Variants in ARMH4 observed in about 807,000 individuals in gnomAD.
ARMH4 encodes the protein armadillo-like helical domain-containing protein 4.
ARMH4 carries 49 observed loss-of-function variants against 61.9 expected under a neutral mutation model. The ratio of observed to expected loss-of-function variants is 0.79; its 90% CI spans 0.63 to 1.00. ARMH4 has a LOEUF of 1.00. Among genes scored for constraint, ARMH4 ranks in the 50% least tolerant of loss-of-function variants. ARMH4 has a pLI of 0.00. For missense variants in ARMH4, 934 were observed against 930.0 expected (o/e 1.00, Z -0.06); for synonymous variants, 368 against 341.5 (o/e 1.08, Z -0.85).
chr14:58,144,940 G>A (rs922679085), intron 1 of ARMH4, among the ~76,000 whole-genome samples: 7 of 151,894 alleles, frequency 4.6e-5, no homozygotes, highest in South Asian at 2.1e-4. Context: ...TTACACCTTC[G>A]GATTTCTGTT....
chr14:58,023,192 G>A (rs994190092), intron 5 of ARMH4, among the ~76,000 whole-genome samples: 4 of 152,146 alleles, frequency 2.6e-5, no homozygotes, highest in African/African-American at 9.7e-5. Context: ...ATTTTATGAA[G>A]GATTTCTCTA....
Position 58,026,462 on chromosome 14 carries a change from A to G in ARMH4, c.2090-14312T>C, listed in dbSNP as rs142291331. Among the ~76,000 whole-genome samples the G allele has an allele frequency of 2.0e-3, 308 of 152,268 alleles. 1 individual carries two copies. Among genetic ancestry groups the G allele is most frequent in the African/African-American group, 7.1e-3 (295 of 41,548 alleles). On this transcript the variant is annotated intron_variant, in intron 5 of 7. Transcript: ENST00000267485. ...CATGCTCAGGGAAACTGAAATTCTC[A>G]TTCTCATGAGATCTCTTCTCACATT... is the stretch of plus-strand genomic sequence containing the variant.
intron 5 of ARMH4, among the ~76,000 whole-genome samples, chr14:58,053,938 T>A (rs545728004): frequency 1.9e-4 from 29 of 152,362 alleles, no homozygotes; most frequent in African/African-American, 7.0e-4. Flanking sequence ...TATCACATGC[T>A]GGATTTTAAG....
chr14:58,147,316 G>GTTTT (rs33969627), intron 1 of ARMH4, among the ~76,000 whole-genome samples: 1 of 132,526 alleles, frequency 7.5e-6, no homozygotes, highest in Non-Finnish European at 1.6e-5. Context: ...AATCCAGATG[G>GTTTT]TTTTTTTTTT....
At chr14:58,016,061 A>T (rs569545076) in intron 5 of ARMH4, among the ~76,000 whole-genome samples, 2 of 152,164 alleles carry the variant, frequency 1.3e-5, no homozygotes, top group Non-Finnish European at 2.9e-5. Flanking sequence ...TGCAATCCAT[A>T]TCAAAAGCTT....
intron 4 of ARMH4, among the ~76,000 whole-genome samples, chr14:58,110,150 G>A (rs1481615614): frequency 6.6e-6 from 1 of 152,118 alleles, no homozygotes; most frequent in Non-Finnish European, 1.5e-5. Context: ...ATAGCTTAAG[G>A]TGGAAGTTAC....
chr14:58,050,723 G>T (rs1000745077), intron 5 of ARMH4, among the ~76,000 whole-genome samples: 2 of 151,688 alleles, frequency 1.3e-5, no homozygotes, highest in African/African-American at 4.9e-5. Context: ...TCTTTAGTGT[G>T]CAGGTCAACA....
chr14:58,151,789 G>T (rs941278917), intron 1 of ARMH4, among the ~76,000 whole-genome samples: 1 of 152,264 alleles, frequency 6.6e-6, no homozygotes, highest in African/African-American at 2.4e-5. Flanking sequence ...CGGCTCGCTG[G>T]TGCGGAGCTG....
intron 4 of ARMH4, among the ~76,000 whole-genome samples, chr14:58,126,854 A>G (rs1307175972): frequency 4.0e-5 from 6 of 150,060 alleles, no homozygotes; most frequent in South Asian, 2.1e-4. Flanking sequence ...CCAGGCTGGA[A>G]TGCAGTGGTG....
At chr14:58,043,060 T>G (rs1428628512) in intron 5 of ARMH4, among the ~76,000 whole-genome samples, 1 of 152,168 alleles carries the variant, frequency 6.6e-6, no homozygotes, top group African/African-American at 2.4e-5. Context: ...TCTGAAACTA[T>G]TCCAATCAAT....
At chr14:58,094,555 G>A (rs1885684925) in intron 5 of ARMH4, among the ~76,000 whole-genome samples, 1 of 152,190 alleles carries the variant, frequency 6.6e-6, no homozygotes, top group African/African-American at 2.4e-5. Context: ...ATATATGTGT[G>A]TGGATGTGTA....
In ARMH4 at chr14:58,005,147, C is replaced by T; in HGVS notation, c.2157G>A (p.Gly719=). 6.2e-7 allele frequency: 1 copy of T among 1,613,970 alleles called. No homozygotes were observed. The highest frequency in any genetic ancestry group is 8.5e-7 in the Non-Finnish European group (1 of 1,179,924). ...GYMSGMLVPV[G]VGIAGALFIL... Reference sequence around the variant, plus strand: ...TGAACAAGGCTCCAGCTATCCCAACCCCTACAGGCACCAGCATCCCAGACA... The same window carrying T: ...TGAACAAGGCTCCAGCTATCCCAACTCCTACAGGCACCAGCATCCCAGACA... Residue 719 remains glycine (G), a synonymous_variant, in exon 7 of 8, where the codon GGG becomes GGA. Coordinates refer to ENST00000267485, the MANE Select transcript of ARMH4 (RefSeq NM_001001872.4).
intron 2 of ARMH4, among the ~76,000 whole-genome samples, chr14:58,135,026 T>C (rs1887259576): frequency 1.3e-5 from 2 of 152,100 alleles, no homozygotes; most frequent in African/African-American, 4.8e-5. Flanking sequence ...AAAAGTTGCC[T>C]TGTAAACAAT....
chr14:58,139,205 TG>T lies in ARMH4; in HGVS notation c.153del (p.Asn51LysfsTer5), dbSNP rs528441132. Reference sequence around the variant, plus strand: ...ACAGAGCTATTTTCTAGGTCATCGGTGTTCATCTTATCGGACTGCCCTTTTT... The same window carrying T: ...ACAGAGCTATTTTCTAGGTCATCGGTTTCATCTTATCGGACTGCCCTTTTT... ...HAEKGQSDKM[N>X]TDDLENSSVT... On this transcript the variant is annotated frameshift_variant, in exon 2 of 8. Coordinates refer to ENST00000267485, the MANE Select transcript of ARMH4 (RefSeq NM_001001872.4). LOFTEE classifies it high-confidence loss of function. 5 of 1,614,124 alleles carry T rather than the reference TG, an allele frequency of 3.1e-6. No homozygotes were observed. The highest frequency in any genetic ancestry group is 2.7e-5 in the African/African-American group (2 of 74,950).
intron 5 of ARMH4, among the ~76,000 whole-genome samples, chr14:58,026,079 T>C (rs1331725025): frequency 6.6e-6 from 1 of 151,824 alleles, no homozygotes; most frequent in African/African-American, 2.4e-5. Flanking sequence ...CAACTGTACA[T>C]CCTGCCAGGG....
At chr14:58,117,361 C>T (rs1886564328) in intron 4 of ARMH4, among the ~76,000 whole-genome samples, 1 of 152,096 alleles carries the variant, frequency 6.6e-6, no homozygotes, top group Admixed American at 6.6e-5. Context: ...ATATAAAAAT[C>T]CACATATACT....
At chr14:58,128,603 T>A (rs1242948110) in intron 4 of ARMH4, among the ~76,000 whole-genome samples, 1 of 152,156 alleles carries the variant, frequency 6.6e-6, no homozygotes, top group Non-Finnish European at 1.5e-5. Flanking sequence ...GCTGACAAGA[T>A]AAAAGACACT....
chr14:58,138,735 G>A lies in ARMH4; in HGVS notation c.624C>T (p.Ser208=). ...EGVGLGHSPS[S]YVNTKEMLTT... is the part of the protein sequence containing the mutation. ...TTAGCATTTCCTTAGTATTCACATA[G>A]GATGAAGGTGAATGTCCCAAACCAA... The change falls in exon 2 of 8, where the codon TCC becomes TCT. Residue 208 remains serine (S), a synonymous_variant. Transcript: ENST00000267485. 6.2e-7 allele frequency: 1 copy of A among 1,614,126 alleles called. No homozygotes were observed. The highest frequency in any genetic ancestry group is 1.3e-5 in the African/African-American group (1 of 75,054).
chr14:58,022,532 C>T (rs541348406), intron 5 of ARMH4, among the ~76,000 whole-genome samples: 1 of 152,284 alleles, frequency 6.6e-6, no homozygotes, highest in African/African-American at 2.4e-5. Flanking sequence ...CCCAGAGAAT[C>T]CCCAGCAGCA....
Sources: allele counts gnomAD v4.1 joint callset (sites outside exome capture counted in the v4.1 genomes callset), GRCh38; gene constraint gnomAD v4.1.1; transcripts MANE v1.5; gene names NCBI Gene and HGNC (gene_info 2026-07-23, HGNC 2026-07-21).